FAM13B: variants seen among roughly 807,000 people sequenced by gnomAD.
FAM13B encodes protein FAM13B.
In FAM13B, 60 loss-of-function variants were observed where a neutral mutation model predicts 117.3. The ratio of observed to expected loss-of-function variants is 0.51; its 90% CI spans 0.42 to 0.63. FAM13B has a LOEUF of 0.63. Ranked by LOEUF, FAM13B falls within the 30% of genes least tolerant of loss-of-function variation. The pLI is 0.00. For synonymous variants in FAM13B, 332 were observed against 356.1 expected (o/e 0.93, Z 0.76); for missense variants, 972 against 1,091.9 (o/e 0.89, Z 1.55).
At chr5:137,964,075 A>T (rs1044620856) in intron 10 of FAM13B, among the ~76,000 whole-genome samples, 1 of 152,162 alleles carries the variant, frequency 6.6e-6, no homozygotes, top group African/African-American at 2.4e-5. Flanking sequence ...ACTTAAAAAA[A>T]TTTTTTGAGA....
At chr5:137,991,779 G>A (rs1778657258) in intron 7 of FAM13B, among the ~76,000 whole-genome samples, 1 of 152,086 alleles carries the variant, frequency 6.6e-6, no homozygotes, top group Non-Finnish European at 1.5e-5. Context: ...ATCAATTCTG[G>A]GTAGATTGTA....
At chr5:138,034,476 C>G (rs1016204897), upstream of FAM13B, among the ~76,000 whole-genome samples, 1 of 152,188 alleles carries the variant, frequency 6.6e-6, no homozygotes, top group East Asian at 1.9e-4. Context: ...AATAAATCTA[C>G]ATACCCAATA....
intron 7 of FAM13B, among the ~76,000 whole-genome samples, chr5:137,991,987 A>G (rs934894985): frequency 6.6e-6 from 1 of 152,062 alleles, no homozygotes; most frequent in Non-Finnish European, 1.5e-5. Flanking sequence ...AGTGGCACAA[A>G]CAAAGCTCAC....
chr5:137,973,919 C>T (rs1773102766), intron 10 of FAM13B, among the ~76,000 whole-genome samples: 1 of 144,992 alleles, frequency 6.9e-6, no homozygotes, highest in Non-Finnish European at 1.5e-5. Flanking sequence ...CATTTCACAC[C>T]AGTTAGAATG....
intron 10 of FAM13B, among the ~76,000 whole-genome samples, chr5:137,971,333 C>T (rs375617653): frequency 2.6e-5 from 4 of 152,016 alleles, no homozygotes; most frequent in Non-Finnish European, 5.9e-5. Context: ...AACTACATGG[C>T]AACTGAACAA....
intron 1 of FAM13B, among the ~76,000 whole-genome samples, chr5:138,046,910 T>C (rs890473927): frequency 5.3e-5 from 8 of 151,866 alleles, no homozygotes; most frequent in Non-Finnish European, 1.5e-5. Context: ...CACGCCCAGC[T>C]AATTTTTGTA....
chr5:137,940,384 ATCATTTGG>A (rs1364949319), intron 23 of FAM13B, 36 bp from the exon 24 acceptor site: 1 of 1,498,576 alleles, frequency 6.7e-7, no homozygotes, highest in Non-Finnish European at 9.1e-7. Context: ...TGTTCTAGAG[ATCATTTGG>A]AAAAAAAGAT....
At chr5:137,975,520 TTC>T (rs1425034348) in intron 10 of FAM13B, among the ~76,000 whole-genome samples, 1 of 149,412 alleles carries the variant, frequency 6.7e-6, no homozygotes, top group Non-Finnish European at 1.5e-5. Flanking sequence ...GGTGACTCAG[TTC>T]TGTCTGATTT....
At chr5:137,995,353 T>G (rs992384603) in intron 7 of FAM13B, among the ~76,000 whole-genome samples, 1 of 152,200 alleles carries the variant, frequency 6.6e-6, no homozygotes, top group Non-Finnish European at 1.5e-5. Flanking sequence ...ATAAGCCTAA[T>G]CCAATATAAG....
chr5:137,963,664 G>A (rs531153571), intron 10 of FAM13B, among the ~76,000 whole-genome samples: 12 of 152,258 alleles, frequency 7.9e-5, no homozygotes, highest in East Asian at 5.8e-4. Context: ...GACCGGTACC[G>A]ATCGCTAGCC....
chr5:137,974,151 C>A (rs1367101330), intron 10 of FAM13B, among the ~76,000 whole-genome samples: 1 of 150,602 alleles, frequency 6.6e-6, no homozygotes, highest in Non-Finnish European at 1.5e-5. Flanking sequence ...AAGACACATG[C>A]ACACGTATGT....
chr5:137,968,344 G>A (rs1280178189), intron 10 of FAM13B, among the ~76,000 whole-genome samples: 3 of 151,440 alleles, frequency 2.0e-5, no homozygotes, highest in African/African-American at 7.3e-5. Flanking sequence ...GGGAGGCTGA[G>A]GCATGAGACT....
intron 4 of FAM13B, among the ~76,000 whole-genome samples, chr5:138,012,705 C>T (rs1784348262): frequency 1.3e-5 from 2 of 151,970 alleles, no homozygotes; most frequent in African/African-American, 2.4e-5. Flanking sequence ...GAGGTCCTCT[C>T]GAAATGAAGT....
At chr5:137,959,581 A>T in intron 13 of FAM13B, 35 bp downstream of exon 13, 2 of 1,611,592 alleles carry the variant, frequency 1.2e-6, no homozygotes, top group Non-Finnish European at 1.7e-6. Context: ...TACAAGTAAC[A>T]TTATCAGGAA....
At position 138,031,908 on chromosome 5, in the gene FAM13B, C is replaced by G. The variant is rs187607673; in HGVS notation, c.-203+874G>C. Among the ~76,000 whole-genome samples, 10 of 152,272 alleles carry G rather than the reference C, an allele frequency of 6.6e-5. No homozygotes were observed. In the East Asian group the frequency reaches 1.9e-3, roughly 29 times the overall value. ...AAACCACCCTTTAATGTCTGTCTCT[C>G]TAAACAGGTGCACCCCAGTTAATGT... On this transcript the variant is annotated intron_variant, in intron 1 of 23. Transcript: ENST00000689681.
chr5:137,956,803 A>G, intron 13 of FAM13B, among the ~76,000 whole-genome samples: 1 of 152,234 alleles, frequency 6.6e-6, no homozygotes, highest in East Asian at 1.9e-4. Context: ...AAACTCAAAC[A>G]TAAAACTGAA....
At chr5:138,036,430 C>T (rs533192079), upstream of FAM13B, 37 of 456,650 alleles carry the variant, frequency 8.1e-5, no homozygotes, top group South Asian at 5.7e-4. Flanking sequence ...TACTCTGCTG[C>T]CAAAACAGCC....
At chr5:138,011,292 C>T in intron 5 of FAM13B, 143 bp from the exon 6 acceptor site, 2 of 710,912 alleles carry the variant, frequency 2.8e-6, no homozygotes, top group South Asian at 3.8e-5. Context: ...TAAAACCTAC[C>T]TAATTTGTAC....
chr5:137,964,150 T>C (rs1235912643), intron 10 of FAM13B, among the ~76,000 whole-genome samples: 1 of 152,110 alleles, frequency 6.6e-6, no homozygotes, highest in African/African-American at 2.4e-5. Context: ...CTCCATCTCC[T>C]GGGTTCAAGC....
Sources: allele counts gnomAD v4.1 joint callset (sites outside exome capture counted in the v4.1 genomes callset), GRCh38; gene constraint gnomAD v4.1.1; transcripts MANE v1.5; gene names NCBI Gene and HGNC (gene_info 2026-07-23, HGNC 2026-07-21).